Variants in CALN1 observed in about 807,000 individuals in gnomAD.
CALN1 encodes the protein calcium-binding protein 8.
CALN1 carries 17 observed loss-of-function variants against 30.6 expected under a neutral mutation model. The observed-to-expected ratio is 0.56, with a 90% confidence interval of 0.38 to 0.83. The LOEUF is 0.83. Ranked by LOEUF, CALN1 falls within the 40% of genes least tolerant of loss-of-function variation. CALN1 has a pLI of 0.00. For synonymous variants in CALN1, 156 were observed against 131.4 expected, an observed-to-expected ratio of 1.19 and a Z score of -1.28; for missense variants, 291 against 354.9, an observed-to-expected ratio of 0.82 and a Z score of 1.45.
intron 3 of CALN1, among the ~76,000 whole-genome samples, chr7:72,173,615 T>G (rs1381161518): frequency 6.6e-6 from 1 of 151,998 alleles, no homozygotes; most frequent in Non-Finnish European, 1.5e-5. Flanking sequence ...GAATACAGAG[T>G]CAAGAAATAG....
At chr7:71,813,949 AG>A (rs1378954254) in intron 5 of CALN1, among the ~76,000 whole-genome samples, 5 of 150,810 alleles carry the variant, frequency 3.3e-5, no homozygotes, top group African/African-American at 1.2e-4. Flanking sequence ...AAAAAAAAAA[AG>A]ATCTTTGGAC....
At chr7:72,416,313 C>G (rs1463842415), upstream of CALN1, among the ~76,000 whole-genome samples, 4 of 152,354 alleles carry the variant, frequency 2.6e-5, no homozygotes, top group South Asian at 8.3e-4. Context: ...CCCTGAGCTG[C>G]TGCTCTCCAC....
Position 72,340,858 on chromosome 7 carries a change from A to G in CALN1, c.120-62048T>C, listed in dbSNP as rs184324340. Among the ~76,000 whole-genome samples, 543 of 152,172 alleles carry G rather than the reference A, an allele frequency of 3.6e-3. 4 individuals are homozygous for G. Among genetic ancestry groups the G allele is most frequent in the Middle Eastern group, 0.017 (5 of 294 alleles). On this transcript the variant is annotated intron_variant, in intron 2 of 6. Transcript: ENST00000395275. The stretch of plus-strand genomic sequence containing the variant: ...CAAGATCTGATGGTTTTATAAGGGG[A>G]AACCCCTTTCACTTGGCTCTCTCTC...
At chr7:72,138,792 C>G (rs1000637716) in intron 3 of CALN1, among the ~76,000 whole-genome samples, 1 of 152,164 alleles carries the variant, frequency 6.6e-6, no homozygotes, top group Non-Finnish European at 1.5e-5. Flanking sequence ...CCACAATCCC[C>G]GCCCTTACCC....
intron 2 of CALN1, among the ~76,000 whole-genome samples, chr7:72,401,101 G>A (rs947152735): frequency 1.3e-5 from 2 of 152,096 alleles, no homozygotes; most frequent in African/African-American, 4.8e-5. Flanking sequence ...TTCTCTCAAT[G>A]TACCTGGAAA....
At chr7:72,231,016 T>C (rs1794060212) in intron 3 of CALN1, among the ~76,000 whole-genome samples, 1 of 152,144 alleles carries the variant, frequency 6.6e-6, no homozygotes, top group African/African-American at 2.4e-5. Flanking sequence ...CCTGGGGGCA[T>C]GAATCGTGCC....
intron 1 of CALN1, among the ~76,000 whole-genome samples, chr7:72,437,018 T>G (rs983342103): frequency 2.6e-5 from 4 of 151,710 alleles, no homozygotes; most frequent in Non-Finnish European, 5.9e-5. Flanking sequence ...AAGTCTGCAG[T>G]GAGCTGTGAT....
chr7:72,011,519 T>C (rs1395133195), intron 5 of CALN1, among the ~76,000 whole-genome samples: 3 of 152,208 alleles, frequency 2.0e-5, no homozygotes, highest in Non-Finnish European at 4.4e-5. Context: ...TGATCACTTC[T>C]GGTTTGGGGT....
chr7:72,057,988 A>C lies in CALN1; in HGVS notation c.389-34219T>G, dbSNP rs373108894. Among the ~76,000 whole-genome samples the C allele has an allele frequency of 2.6e-5, 4 of 152,300 alleles. No individual in the cohort carries two copies. In the East Asian group the frequency reaches 7.7e-4, roughly 29 times the overall value. On this transcript the variant is annotated intron_variant, in intron 4 of 6. Coordinates refer to ENST00000395275, the MANE Select transcript of CALN1 (RefSeq NM_031468.4). ...GTGGAACACGTAGCACAGTTTTCTA[A>C]GTCGTGCAGAAGTTAAAATGTCACT...
chr7:72,454,782 C>T, the CALN1 span, among the ~76,000 whole-genome samples: 30 of 151,960 alleles, frequency 2.0e-4, no homozygotes, highest in Non-Finnish European at 3.1e-4. Context: ...TCCTCCTCTC[C>T]GTTCCCACTG....
chr7:72,164,482 AAGAC>A (rs1421867954), intron 3 of CALN1, among the ~76,000 whole-genome samples: 1 of 152,184 alleles, frequency 6.6e-6, no homozygotes, highest in Non-Finnish European at 1.5e-5. Flanking sequence ...AAACCACTAG[AAGAC>A]AGAAAGAGGC....
At chr7:72,041,945 A>G (rs1265281907) in intron 4 of CALN1, among the ~76,000 whole-genome samples, 1 of 152,130 alleles carries the variant, frequency 6.6e-6, no homozygotes, top group Non-Finnish European at 1.5e-5. Flanking sequence ...ATGTGGAACT[A>G]TGAGTCCATT....
upstream of CALN1, among the ~76,000 whole-genome samples, chr7:72,451,237 AGGAG>A (rs1808655096): frequency 2.5e-5 from 3 of 121,838 alleles, no homozygotes; most frequent in African/African-American, 1.1e-4. Flanking sequence ...GAGGAGGAGA[AGGAG>A]GAAGAGGAGG....
At chr7:71,948,832 A>T (rs1361321976) in intron 5 of CALN1, among the ~76,000 whole-genome samples, 3 of 151,640 alleles carry the variant, frequency 2.0e-5, no homozygotes, top group Admixed American at 6.6e-5. Flanking sequence ...GCTTGAACCC[A>T]GGAGTTCCAC....
chr7:72,249,928 C>A (rs1318712372), intron 3 of CALN1, among the ~76,000 whole-genome samples: 1 of 142,038 alleles, frequency 7.0e-6, no homozygotes, highest in Non-Finnish European at 1.5e-5. Flanking sequence ...CAGAGTGAGA[C>A]CCTATCTCAA....
At chr7:72,379,720 T>G (rs562166708) in intron 2 of CALN1, among the ~76,000 whole-genome samples, 1 of 152,246 alleles carries the variant, frequency 6.6e-6, no homozygotes, top group South Asian at 2.1e-4. Context: ...ATTTATTGCA[T>G]GTTTCTCATT....
At chr7:71,833,757 A>G (rs1484980387) in intron 5 of CALN1, among the ~76,000 whole-genome samples, 11 of 151,930 alleles carry the variant, frequency 7.2e-5, no homozygotes, top group Admixed American at 3.3e-4. Flanking sequence ...TGCCCCTCTA[A>G]AAAGAATTAG....
At chr7:72,000,766 G>A (rs913091515) in intron 5 of CALN1, among the ~76,000 whole-genome samples, 1 of 152,148 alleles carries the variant, frequency 6.6e-6, no homozygotes, top group Non-Finnish European at 1.5e-5. Flanking sequence ...TATCTCTCAT[G>A]AACTTAGATG....
At chr7:71,873,138 G>A (rs1274386869) in intron 5 of CALN1, among the ~76,000 whole-genome samples, 1 of 150,680 alleles carries the variant, frequency 6.6e-6, no homozygotes, top group African/African-American at 2.4e-5. Context: ...TGAGTAGCTA[G>A]GATTACAGGC....
Sources: gnomAD v4.1 joint callset for allele counts (sites outside exome capture counted in the v4.1 genomes callset) on GRCh38, gnomAD v4.1.1 for gene constraint, MANE v1.5 for transcripts, NCBI Gene and HGNC (gene_info 2026-07-23, HGNC 2026-07-21) for gene names.